The following PDE6B variants were observed in gnomAD, a reference collection of about 807,000 sequenced individuals.
PDE6B encodes phosphodiesterase 6B, also known as rod cGMP-specific 3',5'-cyclic phosphodiesterase subunit beta.
In PDE6B, 106 loss-of-function variants were observed where a neutral mutation model predicts 109.0. The ratio of observed to expected loss-of-function variants is 0.97; its 90% CI spans 0.83 to 1.14. The LOEUF (loss-of-function observed/expected upper bound fraction) is 1.14, where lower values mean the gene tolerates loss of function less well. Ranked by LOEUF, PDE6B falls within the 50% of genes most tolerant of loss-of-function variation. PDE6B has a pLI of 0.00. For missense variants in PDE6B, 1,193 were observed against 1,155.6 expected (o/e 1.03, Z -0.47); for synonymous variants, 490 against 471.3 (o/e 1.04, Z -0.51).
chr4:627,830 C>T (rs997744804), intron 1 of PDE6B, among the ~76,000 whole-genome samples: 5 of 152,072 alleles, frequency 3.3e-5, no homozygotes, highest in Admixed American at 1.3e-4. Flanking sequence ...GTTTGTCCCC[C>T]GCTGCCACCA....
At chr4:664,324 G>A in intron 17 of PDE6B, 103 bp downstream of exon 17, 2 of 749,660 alleles carry the variant, frequency 2.7e-6, no homozygotes, top group Non-Finnish European at 4.9e-6. Flanking sequence ...CTCTGGAGCA[G>A]GAAGAGCCCG....
intron 9 of PDE6B, 130 bp from the exon 10 acceptor site, chr4:657,221 A>C: frequency 4.9e-6 from 6 of 1,212,168 alleles, no homozygotes; most frequent in Non-Finnish European, 5.9e-6. Context: ...GAGACCCCAC[A>C]CAGAAGCACT....
Position 666,417 on chromosome 4 carries a change from G to A in PDE6B, c.2269-114G>A, listed in dbSNP as rs910823939. The A allele has an allele frequency of 2.4e-5, 18 of 757,806 alleles. No individual in the cohort carries two copies. Among genetic ancestry groups the A allele is most frequent in the East Asian group, 1.3e-4 (5 of 39,220 alleles). The allele number at this position is 757,806 out of a possible 1,614,324, so 46.9% of individuals were successfully genotyped here. A position where few individuals can be genotyped will look rare whatever the true frequency, so the allele number is the denominator to read the frequency against. On this transcript the variant is annotated intron_variant, in intron 19 of 21. Transcript: ENST00000496514. The surrounding 1 kb of genome is among the most constrained non-coding windows in gnomAD (Gnocchi z 5.6). ...GAGCCAGTTTCTGTCAGGCAGGCTC[G>A]TCCCAGGCTGTGTCTCCATGAGCAC...
intron 18 of PDE6B, 34 bp downstream of exon 18, chr4:664,978 G>T (rs1175431454): frequency 6.5e-7 from 1 of 1,530,076 alleles, no homozygotes; most frequent in Non-Finnish European, 9.1e-7. Flanking sequence ...CCCAGAGTCA[G>T]TGCCTCTCAG....
intron 1 of PDE6B, among the ~76,000 whole-genome samples, chr4:627,660 C>G (rs1057007377): frequency 1.3e-5 from 2 of 151,050 alleles, no homozygotes; most frequent in Non-Finnish European, 3.0e-5. Context: ...TCCCTCCCCC[C>G]GTTCCCTCCT....
Position 633,687 on chromosome 4 carries a change from A to G in PDE6B, c.469-990A>G, listed in dbSNP as rs34094325. On this transcript the variant is annotated intron_variant, in intron 1 of 21. Coordinates refer to ENST00000496514, the MANE Select transcript of PDE6B (RefSeq NM_000283.4). This position sits in a 1 kb window ranked among gnomAD's most constrained non-coding sequence, Gnocchi z 4.5. The stretch of plus-strand genomic sequence containing the variant: ...AAGGCCACAGAACCACCCTGTGCCC[A>G]CTGCAGGTCGCACAGGTGGGAAGTC... Among the ~76,000 whole-genome samples, 4,433 of 152,292 alleles carry G rather than the reference A, an allele frequency of 0.029. 66 individuals carry two copies. Among genetic ancestry groups the G allele is most frequent in the Middle Eastern group, 0.041 (12 of 294 alleles).
chr4:650,442 A>G (rs1461538983), intron 3 of PDE6B, among the ~76,000 whole-genome samples: 3 of 152,186 alleles, frequency 2.0e-5, no homozygotes, highest in African/African-American at 7.2e-5. Flanking sequence ...AGCCTCCATC[A>G]GAGGCCTCAG....
chr4:669,275 ATGC>A (rs1352870940), intron 21 of PDE6B, among the ~76,000 whole-genome samples: 1 of 141,850 alleles, frequency 7.0e-6, no homozygotes, highest in Admixed American at 7.2e-5. Context: ...CCACTACTCC[ATGC>A]TGCTGCCACT....
intron 11 of PDE6B, 121 bp from the exon 12 acceptor site, chr4:660,346 A>T: frequency 4.0e-6 from 4 of 1,001,670 alleles, no homozygotes; most frequent in Non-Finnish European, 6.3e-6. Context: ...GGAATGACAC[A>T]TCTCCTCAGA....
chr4:656,079 C>A, intron 7 of PDE6B, 73 bp downstream of exon 7: 2 of 1,107,156 alleles, frequency 1.8e-6, no homozygotes, highest in Non-Finnish European at 2.8e-6. Flanking sequence ...TTCTCCTTGT[C>A]TCTGCCACGT....
In PDE6B at chr4:656,874, G is replaced by A. The variant is rs747796458; in HGVS notation, c.1108G>A (p.Glu370Lys). The A allele has an allele frequency of 5.0e-6, 8 of 1,612,656 alleles. No individual in the cohort carries two copies. In the Admixed American group the frequency reaches 1.2e-4, roughly 24 times the overall value. ...TCAGCTCTGGACACCGCTCCCGCAGGAAGGGGCCCTGGACGACTCCGGGTG... is the reference window on the plus strand; with the variant it reads ...TCAGCTCTGGACACCGCTCCCGCAGAAAGGGGCCCTGGACGACTCCGGGTG... Reference protein sequence around the residue: ...ASADEMFKFQEGALDDSGWLI... With the variant: ...ASADEMFKFQKGALDDSGWLI... The change falls in exon 9 of 22, where the codon GAA (glutamate) becomes AAA (lysine). Residue 370 changes from glutamate (E) to lysine (K), a missense_variant and splice_region_variant. By Grantham distance (56) the Glu-to-Lys change is moderately conservative. Coordinates refer to ENST00000496514, the MANE Select transcript of PDE6B (RefSeq NM_000283.4).
chr4:659,090 T>C, intron 11 of PDE6B, 73 bp downstream of exon 11: 2 of 1,133,570 alleles, frequency 1.8e-6, no homozygotes. Flanking sequence ...TTCTGCATTC[T>C]CCGGGACCCG....
chr4:628,153 A>G (rs1734207658), intron 1 of PDE6B, among the ~76,000 whole-genome samples: 1 of 145,818 alleles, frequency 6.9e-6, no homozygotes, highest in Non-Finnish European at 1.5e-5. Flanking sequence ...TTGCCACCAA[A>G]AAAAGCAAAT....
At chr4:652,645 G>GGGCGCGGTGGCT in intron 3 of PDE6B, 3 of 281,106 alleles carry the variant, frequency 1.1e-5, no homozygotes, top group Non-Finnish European at 1.6e-5. Context: ...CAGTAGAACA[G>GGGCGCGGTGGCT]CCGTTTTCAT....
At chr4:634,959 C>T (rs113753647) in intron 2 of PDE6B, 130 bp downstream of exon 2, 1 of 744,970 alleles carries the variant, frequency 1.3e-6, no homozygotes, top group South Asian at 1.6e-5. Context: ...TGCTGCGTGT[C>T]TGCCTCCTTA....
At chr4:635,830 A>G (rs1734651196) in intron 2 of PDE6B, 50 bp from the exon 3 acceptor site, 3 of 968,020 alleles carry the variant, frequency 3.1e-6, no homozygotes, top group South Asian at 1.3e-5. Context: ...ACGGGGGCAC[A>G]TGTCTGAAAA....
Position 659,639 on chromosome 4 carries a change from CAT to C in PDE6B, c.1467+623_1467+624del, listed in dbSNP as rs201117644. Among the ~76,000 whole-genome samples, 878 of 147,840 alleles carry C rather than the reference CAT, an allele frequency of 5.9e-3. 35 individuals carry two copies. The East Asian group carries it at 0.1, about 17-fold the overall frequency. On this transcript the variant is annotated intron_variant, in intron 11 of 21. Transcript: ENST00000496514. ...TTGTATGAATGTGCACATGTGTACA[CAT>C]GTGTGTGCACATGTGTGCCCACGAG...
chr4:662,607 G>C lies in PDE6B; in HGVS notation c.1821G>C (p.Leu607=). ...TCGACCACCGCGGCACCAACAACCT[G>C]TACCAGATGAAGTAGGCACCTCAGG... is the stretch of plus-strand genomic sequence containing the variant. ...HDIDHRGTNN[L]YQMKSQNPLA... is the part of the protein sequence containing the mutation. Residue 607 remains leucine (L), a synonymous_variant, in exon 14 of 22, where the codon CTG becomes CTC. Coordinates refer to ENST00000496514, the MANE Select transcript of PDE6B (RefSeq NM_000283.4). This position sits in a 1 kb window ranked among gnomAD's most constrained non-coding sequence, Gnocchi z 4.3. 1 of 1,606,322 alleles carries C rather than the reference G, an allele frequency of 6.2e-7. No homozygotes were observed. Among genetic ancestry groups the C allele is most frequent in the South Asian group, 1.1e-5 (1 of 90,974 alleles).
rs547699459 is a variant in PDE6B, at chr4:662,074, C to T, written c.1615-60C>T. 5.0e-6 allele frequency: 4 copies of T among 802,716 alleles called. No individual in the cohort carries two copies. The highest frequency in any genetic ancestry group is 5.3e-5 in the East Asian group (2 of 37,642). The allele number at this position is 802,716 out of a possible 1,614,324, so 49.7% of individuals were successfully genotyped here. On this transcript the variant is annotated intron_variant, in intron 12 of 21. Transcript: ENST00000496514. This position sits in a 1 kb window ranked among gnomAD's most constrained non-coding sequence, Gnocchi z 4.3. ...TCCACTGTGAAGTCAGCCACAGGTG[C>T]CGCTCTGGCGGGACTTACACGCTTG... is the stretch of plus-strand genomic sequence containing the variant.
Sources: allele counts gnomAD v4.1 joint callset (sites outside exome capture counted in the v4.1 genomes callset), GRCh38; gene constraint gnomAD v4.1.1; non-coding constraint Gnocchi (gnomAD v3.1); transcripts MANE v1.5; gene names NCBI Gene and HGNC (gene_info 2026-07-23, HGNC 2026-07-21).